The following ZNF81 variants were observed in gnomAD, a reference collection of about 807,000 sequenced individuals.
ZNF81 encodes the protein zinc finger protein 81, also known as zinc finger protein 81 (HFZ20).
A neutral mutation model predicts 32.3 loss-of-function variants in ZNF81; 5 were observed. The ratio of observed to expected loss-of-function variants is 0.15; its 90% confidence interval spans 0.08 to 0.33. The LOEUF is 0.33. Among genes scored for constraint, ZNF81 ranks in the 10% least tolerant of loss-of-function variants. ZNF81 has a pLI of 1.00. For synonymous variants in ZNF81, 163 were observed against 166.8 expected (o/e 0.98, Z 0.17); for missense variants, 379 against 479.8 (o/e 0.79, Z 1.96).
At chrX:47,906,974 C>G (rs2058723020) in intron 4 of ZNF81, among the ~76,000 whole-genome samples, 1 of 111,287 alleles carries the variant, frequency 9.0e-6, no homozygotes, top group Non-Finnish European at 1.9e-5. Context: ...TGGTTGATAG[C>G]AGCTTGGAGT....
chrX:47,886,540 A>G (rs1556885761), intron 2 of ZNF81, among the ~76,000 whole-genome samples: 1 of 97,518 alleles, frequency 1.0e-5, no homozygotes. Context: ...TGACTGCAGA[A>G]CTCCCCTTCA....
intron 2 of ZNF81, among the ~76,000 whole-genome samples, chrX:47,880,890 C>G (rs1556885083): frequency 9.0e-6 from 1 of 111,554 alleles, no homozygotes; most frequent in Admixed American, 9.5e-5. Context: ...GTCAAGGGAC[C>G]ACATCTGGTG....
At chrX:47,894,826 A>G (rs1028859956) in intron 3 of ZNF81, among the ~76,000 whole-genome samples, 11 of 111,544 alleles carry the variant, frequency 9.9e-5, no homozygotes, top group African/African-American at 3.6e-4. Context: ...GGGAATATCT[A>G]TCCTATACCT....
At chrX:47,880,591 T>G (rs782774623) in intron 2 of ZNF81, among the ~76,000 whole-genome samples, 2 of 112,344 alleles carry the variant, frequency 1.8e-5, no homozygotes, top group Non-Finnish European at 3.8e-5. Context: ...CAATTATTTG[T>G]GTACCCTGAA....
rs148164283 is a variant in ZNF81 at position 47,923,036 on chromosome X, C to T, written c.*6404C>T. 8.1e-3 allele frequency among the ~76,000 whole-genome samples: 907 copies of T among 111,490 alleles called. 7 individuals carry two copies. Among genetic ancestry groups the T allele is most frequent in the African/African-American group, 0.029 (883 of 30,659 alleles). ...TTGGAGTGGGGTTCACTTTAATGGC[C>T]CCATTTTAACTTAATTACCTCTGTA... On this transcript the variant is annotated 3_prime_UTR_variant, in exon 5 of 5. Coordinates refer to ENST00000338637, the MANE Select transcript of ZNF81 (RefSeq NM_007137.5).
intron 2 of ZNF81, among the ~76,000 whole-genome samples, chrX:47,881,154 GCC>G (rs2058619307): frequency 8.9e-6 from 1 of 112,104 alleles, no homozygotes; most frequent in African/African-American, 3.2e-5. Flanking sequence ...CTACAAGTCT[GCC>G]TTTCTTCATG....
At chrX:47,847,520 A>C (rs1556880666) in intron 2 of ZNF81, among the ~76,000 whole-genome samples, 1 of 111,973 alleles carries the variant, frequency 8.9e-6, no homozygotes, top group Non-Finnish European at 1.9e-5. Flanking sequence ...TCTTTGAAGA[A>C]ATCTCTCCTG....
chrX:47,881,965 T>C (rs782818964), intron 2 of ZNF81, among the ~76,000 whole-genome samples: 2 of 110,818 alleles, frequency 1.8e-5, no homozygotes, highest in East Asian at 5.7e-4. Flanking sequence ...TTTTTAGAGG[T>C]GGGGTCTCAC....
intron 2 of ZNF81, among the ~76,000 whole-genome samples, chrX:47,851,987 C>T (rs782086473): frequency 8.9e-6 from 1 of 112,178 alleles, no homozygotes; most frequent in Non-Finnish European, 1.9e-5. Flanking sequence ...TTAGCATATA[C>T]AGGCATACCT....
At chrX:47,866,679 G>A (rs1375536114) in intron 2 of ZNF81, among the ~76,000 whole-genome samples, 1 of 111,167 alleles carries the variant, frequency 9.0e-6, no homozygotes, top group Non-Finnish European at 1.9e-5. Context: ...AGACTCCCAG[G>A]GTGACAGGGA....
chrX:47,909,074 C>T (rs1346490532), intron 4 of ZNF81, among the ~76,000 whole-genome samples: 1 of 112,015 alleles, frequency 8.9e-6, no homozygotes, highest in East Asian at 2.8e-4. Flanking sequence ...TTGAGCTTTA[C>T]AGTTAATATC....
chrX:47,917,352 A>G lies in ZNF81; in HGVS notation c.*720A>G, dbSNP rs781983142. On this transcript the variant is annotated 3_prime_UTR_variant, in exon 5 of 5. Transcript: ENST00000338637. ...ATGACATAGTATCTTGTTTTCTTTC[A>G]TTGTGGTACAATGCAAAGTAGCCAC... 225 of 294,918 alleles carry G rather than the reference A, an allele frequency of 7.6e-4. No homozygotes were observed. The highest frequency in any genetic ancestry group is 2.0e-3 in the Admixed American group (33 of 16,172). The allele number at this position is 294,918 out of a possible 1,213,427, so 24.3% of individuals were successfully genotyped here. A position where few individuals can be genotyped will look rare whatever the true frequency, so the allele number is the denominator to read the frequency against.
In ZNF81 at chrX:47,921,918, T is replaced by G. The variant is rs781972929; in HGVS notation, c.*5286T>G. On this transcript the variant is annotated 3_prime_UTR_variant, in exon 5 of 5. Transcript: ENST00000338637. ...ATACGAATTCCTGACCCATAGAAAC[T>G]GCAAGACAATAAATGTTGTTTTAAG... The G allele has an allele frequency of 8.1e-5, 9 of 111,578 alleles. 1 individual carries two copies. The highest frequency in any genetic ancestry group is 1.3e-4 in the Non-Finnish European group (7 of 53,116). 9.2% of individuals were successfully genotyped at this position (111,578 alleles called of 1,213,427 possible). A position where few individuals can be genotyped will look rare whatever the true frequency, so the allele number is the denominator to read the frequency against.
At chrX:47,845,932 C>T (rs1302957500) in intron 1 of ZNF81, among the ~76,000 whole-genome samples, 173 bp from the exon 2 acceptor site, 1 of 111,994 alleles carries the variant, frequency 8.9e-6, no homozygotes, top group Non-Finnish European at 1.9e-5. Context: ...AATTTTAGTC[C>T]AAATCTCATG....
chrX:47,882,390 T>A (rs2058624534), intron 2 of ZNF81, among the ~76,000 whole-genome samples: 1 of 112,170 alleles, frequency 8.9e-6, no homozygotes, highest in Admixed American at 9.4e-5. Flanking sequence ...CTGACTTCAG[T>A]GTTTGGCTTC....
intron 3 of ZNF81, among the ~76,000 whole-genome samples, chrX:47,893,232 G>A (rs1014903269): frequency 9.1e-6 from 1 of 110,354 alleles, no homozygotes; most frequent in Non-Finnish European, 1.9e-5. Flanking sequence ...GGAAGAGGTA[G>A]GAGTTTGAAG....
At position 47,859,691 on chromosome X, in the gene ZNF81, A is replaced by G. The variant is rs782568051; in HGVS notation, c.54+13370A>G. On this transcript the variant is annotated intron_variant, in intron 2 of 4. Transcript: ENST00000338637. ...ATGTTAGCCTGCGACAGTGTCCTGGATGCTGGCAAAAGAGATATGAAACTC... is the reference window on the plus strand; with the variant it reads ...ATGTTAGCCTGCGACAGTGTCCTGGGTGCTGGCAAAAGAGATATGAAACTC... 3.6e-5 allele frequency among the ~76,000 whole-genome samples: 4 copies of G among 111,842 alleles called. No homozygotes were observed. The South Asian group carries it at 1.5e-3, about 42-fold the overall frequency.
chrX:47,907,656 C>T (rs782325513), intron 4 of ZNF81, among the ~76,000 whole-genome samples: 1 of 111,460 alleles, frequency 9.0e-6, no homozygotes, highest in African/African-American at 3.3e-5. Context: ...TTAGCAAGCT[C>T]AATCAAGGAG....
intron 1 of ZNF81, among the ~76,000 whole-genome samples, chrX:47,839,406 G>A (rs1259987500): frequency 9.0e-6 from 1 of 111,530 alleles, no homozygotes; most frequent in Non-Finnish European, 1.9e-5. Context: ...AACTTTCTGA[G>A]TGCCAACATA....
Sources: allele counts gnomAD v4.1 joint callset (sites outside exome capture counted in the v4.1 genomes callset), GRCh38; gene constraint gnomAD v4.1.1; transcripts MANE v1.5; gene names NCBI Gene and HGNC (gene_info 2026-07-23, HGNC 2026-07-21).